SHANK2: variants seen among roughly 807,000 people sequenced by gnomAD.
SHANK2 encodes the protein SH3 and multiple ankyrin repeat domains 2.
SHANK2 carries 43 observed loss-of-function variants against 133.7 expected under a neutral mutation model. The ratio of observed to expected loss-of-function variants is 0.32; its 90% CI spans 0.25 to 0.41. The LOEUF is 0.41. Among genes scored for constraint, SHANK2 ranks in the 10% least tolerant of loss-of-function variants. The pLI is 1.00. For missense variants in SHANK2, 1,994 were observed against 2,235.8 expected, an observed-to-expected ratio of 0.89 and a Z score of 2.18; for synonymous variants, 1,017 against 952.8, an observed-to-expected ratio of 1.07 and a Z score of -1.24.
intron 11 of SHANK2, among the ~76,000 whole-genome samples, chr11:70,888,447 A>C (rs1487950607): frequency 7.9e-6 from 1 of 125,896 alleles, no homozygotes. Flanking sequence ...TCAATGCAGC[A>C]ACTGATTTGC....
chr11:70,834,577 A>G (rs187719802), intron 11 of SHANK2, among the ~76,000 whole-genome samples: 2 of 152,324 alleles, frequency 1.3e-5, no homozygotes, highest in Admixed American at 1.3e-4. Context: ...CCAAAATAGC[A>G]TCTCTTGTTT....
Position 71,133,346 on chromosome 11 carries a change from A to ATGGCTGGCTGGCTGGC in SHANK2, c.207+13758_207+13773dup, listed in dbSNP as rs57172693. On this transcript the variant is annotated intron_variant, in intron 3 of 25. Coordinates refer to ENST00000601538, the MANE Select transcript of SHANK2 (RefSeq NM_012309.5). ...GGTAGGTGGGTGGCTGGGAGGATGC[A>ATGGCTGGCTGGCTGGC]TGGCTGGCTGGCTGGCTGGCTGGGT... 3.6e-4 allele frequency among the ~76,000 whole-genome samples: 40 copies of ATGGCTGGCTGGCTGGC among 111,958 alleles called. 1 individual carries two copies. The highest frequency in any genetic ancestry group is 5.2e-4 in the Non-Finnish European group (29 of 55,638). 73.4% of individuals were successfully genotyped at this position (111,958 alleles called of 152,430 possible).
chr11:71,098,210 T>C (rs527758326), intron 6 of SHANK2, among the ~76,000 whole-genome samples: 1 of 151,684 alleles, frequency 6.6e-6, no homozygotes, highest in Non-Finnish European at 1.5e-5. Flanking sequence ...TGCCTGTGCG[T>C]GTGCATGCCT....
Position 70,501,944 on chromosome 11 carries a change from C to A in SHANK2, c.2279-13G>T. On this transcript the variant is annotated splice_polypyrimidine_tract_variant and intron_variant, in intron 19 of 25. Transcript: ENST00000601538. Reference sequence around the variant, plus strand: ...TTACCTTTATCCACTAGTGAGAGGCCCAAAAATTCAAAACAAAACAATGTT... The same window carrying A: ...TTACCTTTATCCACTAGTGAGAGGCACAAAAATTCAAAACAAAACAATGTT... The A allele has an allele frequency of 3.2e-6, 5 of 1,557,652 alleles. No homozygotes were observed. Among genetic ancestry groups the A allele is most frequent in the Non-Finnish European group, 4.3e-6 (5 of 1,149,990 alleles).
At chr11:70,881,173 G>T (rs1173918371) in intron 11 of SHANK2, among the ~76,000 whole-genome samples, 1 of 152,112 alleles carries the variant, frequency 6.6e-6, no homozygotes, top group East Asian at 1.9e-4. Flanking sequence ...GAGTGGTTGG[G>T]ATTACAGGCC....
intron 17 of SHANK2, among the ~76,000 whole-genome samples, chr11:70,554,719 G>A (rs958264495): frequency 1.3e-5 from 2 of 151,884 alleles, no homozygotes; most frequent in East Asian, 1.9e-4. Flanking sequence ...ATAACGCCCC[G>A]TTCCCCCACT....
intron 3 of SHANK2, among the ~76,000 whole-genome samples, chr11:71,127,647 T>G (rs1225004119): frequency 6.6e-6 from 1 of 152,188 alleles, no homozygotes; most frequent in African/African-American, 2.4e-5. Flanking sequence ...TTAATTAGGG[T>G]ATATACACTG....
At chr11:70,667,084 C>T (rs1429976577) in intron 15 of SHANK2, among the ~76,000 whole-genome samples, 1 of 151,980 alleles carries the variant, frequency 6.6e-6, no homozygotes, top group Non-Finnish European at 1.5e-5. Flanking sequence ...ATGGCCATCA[C>T]GGCACAGGTA....
At chr11:70,874,410 G>A (rs563641307) in intron 11 of SHANK2, among the ~76,000 whole-genome samples, 4 of 152,198 alleles carry the variant, frequency 2.6e-5, no homozygotes, top group African/African-American at 7.2e-5. Context: ...TGGCCCAGCC[G>A]TAGCTCACTG....
In SHANK2 at chr11:70,786,698, G is replaced by A. The variant is rs1263390816; in HGVS notation, c.1777+11745C>T. On this transcript the variant is annotated intron_variant, in intron 14 of 25. Transcript: ENST00000601538. ...GAAATGAAATTTCAAGAACTAGAAG[G>A]GGAAAGCCAGGAACCTCCTCCAAAC... Among the ~76,000 whole-genome samples, 4 of 152,106 alleles carry A rather than the reference G, an allele frequency of 2.6e-5. No individual in the cohort carries two copies. The South Asian group carries it at 6.2e-4, about 24-fold the overall frequency.
intron 6 of SHANK2, among the ~76,000 whole-genome samples, chr11:71,108,322 A>G (rs1433349237): frequency 1.3e-5 from 2 of 152,120 alleles, no homozygotes; most frequent in Non-Finnish European, 2.9e-5. Context: ...CTACAGACGT[A>G]CACGCCCTCC....
At chr11:70,748,419 A>G (rs1555036744) in intron 14 of SHANK2, among the ~76,000 whole-genome samples, 1 of 152,008 alleles carries the variant, frequency 6.6e-6, no homozygotes, top group Non-Finnish European at 1.5e-5. Context: ...CCACCCCCAC[A>G]ACCATGGTGG....
At chr11:71,062,346 C>A (rs1565431279) in intron 9 of SHANK2, among the ~76,000 whole-genome samples, 1 of 152,166 alleles carries the variant, frequency 6.6e-6, no homozygotes, top group South Asian at 2.1e-4. Context: ...GAAGAGGAGG[C>A]GGAGAGACCA....
At chr11:70,484,898 TC>T (rs2135722418) in intron 25 of SHANK2, among the ~76,000 whole-genome samples, 1 of 152,184 alleles carries the variant, frequency 6.6e-6, no homozygotes, top group African/African-American at 2.4e-5. Context: ...GCCCACCCAC[TC>T]GCTGCCCTCT....
At chr11:70,565,061 C>T (rs978353663) in intron 17 of SHANK2, among the ~76,000 whole-genome samples, 1 of 152,178 alleles carries the variant, frequency 6.6e-6, no homozygotes, top group African/African-American at 2.4e-5. Context: ...TTTTTCTCTT[C>T]CTTACGGGCT....
chr11:70,603,084 GGTAAAACCCCAA>G lies in SHANK2; in HGVS notation c.2061+56732_2061+56743del, dbSNP rs1304641670. ...TTTGTTTAGTGATATCAACACAGGT[GGTAAAACCCCAA>G]GGAAAATCCTGAGGAAGCGGTGGTG... On this transcript the variant is annotated intron_variant, in intron 17 of 25. Coordinates refer to ENST00000601538, the MANE Select transcript of SHANK2 (RefSeq NM_012309.5). Among the ~76,000 whole-genome samples, 6 of 152,372 alleles carry G rather than the reference GGTAAAACCCCAA, an allele frequency of 3.9e-5. No individual in the cohort carries two copies. In the East Asian group the frequency reaches 9.6e-4, roughly 24 times the overall value.
intron 25 of SHANK2, among the ~76,000 whole-genome samples, chr11:70,478,494 A>G (rs1280198078): frequency 6.6e-6 from 1 of 152,236 alleles, no homozygotes. Flanking sequence ...GCATGAAAAT[A>G]GCACTTATTT....
rs115303877 is a variant in SHANK2 at position 70,534,686 on chromosome 11, G to C, written c.2062-31755C>G. On this transcript the variant is annotated intron_variant, in intron 17 of 25. Transcript: ENST00000601538. ...GAATGACAGTGTCCTAAGACTGCTG[G>C]GGAGTCCAAACTGGTGGCTTCACTC... Among the ~76,000 whole-genome samples the C allele has an allele frequency of 8.2e-3, 1,249 of 152,288 alleles. 14 individuals are homozygous for C. Among genetic ancestry groups the C allele is most frequent in the African/African-American group, 0.028 (1,147 of 41,548 alleles).
At chr11:71,184,733 G>A (rs901608453) in intron 2 of SHANK2, among the ~76,000 whole-genome samples, 1 of 152,138 alleles carries the variant, frequency 6.6e-6, no homozygotes, top group African/African-American at 2.4e-5. Flanking sequence ...TCCTTCTTTG[G>A]GGCCACACAT....
Sources: gnomAD v4.1 joint callset for allele counts (sites outside exome capture counted in the v4.1 genomes callset) on GRCh38, gnomAD v4.1.1 for gene constraint, MANE v1.5 for transcripts, NCBI Gene and HGNC (gene_info 2026-07-23, HGNC 2026-07-21) for gene names.